KHDRBS3: variants seen among roughly 807,000 people sequenced by gnomAD.
KHDRBS3 encodes the protein KH domain-containing, RNA-binding, signal transduction-associated protein 3.
KHDRBS3 carries 23 observed loss-of-function variants against 45.6 expected under a neutral mutation model. The ratio of observed to expected loss-of-function variants is 0.50; its 90% confidence interval spans 0.36 to 0.72. The LOEUF (loss-of-function observed/expected upper bound fraction) is 0.72. KHDRBS3 is among the 30% of genes least tolerant of loss of function. The pLI, the probability that KHDRBS3 is intolerant of heterozygous loss-of-function variation, is 0.00. For missense variants in KHDRBS3, 352 were observed against 424.8 expected (o/e 0.83, Z 1.51); for synonymous variants, 162 against 156.5 (o/e 1.04, Z -0.26).
rs796852999 is a variant in KHDRBS3, at chr8:135,469,537, T to G, written c.88+11583T>G. 4.1e-4 allele frequency among the ~76,000 whole-genome samples: 54 copies of G among 130,788 alleles called. 2 individuals carry two copies. The highest frequency in any genetic ancestry group is 1.5e-3 in the African/African-American group (52 of 33,846). 85.8% of individuals were successfully genotyped at this position (130,788 alleles called of 152,430 possible). On this transcript the variant is annotated intron_variant, in intron 1 of 8. Coordinates refer to ENST00000355849, the MANE Select transcript of KHDRBS3 (RefSeq NM_006558.3). ...TTTTTGTTTTGGTTTTTTTTTTTTT[T>G]TTTTTTTTTTGAGACGAGTCTCGCT...
At chr8:135,461,368 G>T (rs1369163132) in intron 1 of KHDRBS3, among the ~76,000 whole-genome samples, 2 of 152,184 alleles carry the variant, frequency 1.3e-5, no homozygotes, top group Non-Finnish European at 2.9e-5. Context: ...CTCCCAAAGT[G>T]CTGGGATTAC....
At chr8:135,540,549 C>A (rs2130764666) in intron 2 of KHDRBS3, 1 of 152,322 alleles carries the variant, frequency 6.6e-6, no homozygotes, top group South Asian at 2.1e-4. Flanking sequence ...CTCCAAGATA[C>A]AGACAGATAC....
chr8:135,633,210 A>G (rs148655151), intron 7 of KHDRBS3, among the ~76,000 whole-genome samples: 126 of 152,342 alleles, frequency 8.3e-4, no homozygotes, highest in African/African-American at 2.8e-3. Flanking sequence ...GAATGAATGC[A>G]TGCATGATAT....
chr8:135,532,205 A>T (rs1320261456), intron 2 of KHDRBS3, among the ~76,000 whole-genome samples: 1 of 152,186 alleles, frequency 6.6e-6, no homozygotes, highest in Non-Finnish European at 1.5e-5. Flanking sequence ...ATGAGATCAG[A>T]ATCCTGAATA....
At chr8:135,633,845 T>C (rs1830704638) in intron 7 of KHDRBS3, among the ~76,000 whole-genome samples, 1 of 152,220 alleles carries the variant, frequency 6.6e-6, no homozygotes, top group African/African-American at 2.4e-5. Context: ...AGTGGTGTGT[T>C]TGTTACAATC....
intron 7 of KHDRBS3, among the ~76,000 whole-genome samples, chr8:135,609,966 G>T (rs1443565706): frequency 6.6e-6 from 1 of 151,800 alleles, no homozygotes; most frequent in Admixed American, 6.6e-5. Flanking sequence ...ATCTTCACAG[G>T]CATCAACCCC....
chr8:135,636,631 C>T (rs1830825520), intron 7 of KHDRBS3, among the ~76,000 whole-genome samples: 1 of 152,178 alleles, frequency 6.6e-6, no homozygotes, highest in Non-Finnish European at 1.5e-5. Flanking sequence ...GATCCAGCAG[C>T]AAGAGAAGAA....
chr8:135,495,066 A>C (rs1447700954), intron 1 of KHDRBS3, among the ~76,000 whole-genome samples: 1 of 152,218 alleles, frequency 6.6e-6, no homozygotes, highest in African/African-American at 2.4e-5. Context: ...TCTAAGTGGA[A>C]TTCTGTGGAA....
chr8:135,601,194 A>G (rs1162865339), intron 6 of KHDRBS3, among the ~76,000 whole-genome samples: 1 of 152,208 alleles, frequency 6.6e-6, no homozygotes, highest in African/African-American at 2.4e-5. Context: ...CAGCAATGTA[A>G]TGAACATCTT....
rs1171323847 is a variant in KHDRBS3 at position 135,606,957 on chromosome 8, C to G, written c.810C>G (p.Asp270Glu). 1 of 1,611,040 alleles carries G rather than the reference C, an allele frequency of 6.2e-7. No homozygotes were observed. Among genetic ancestry groups the G allele is most frequent in the Non-Finnish European group, 8.5e-7 (1 of 1,177,674 alleles). Residue 270 changes from aspartate (D) to glutamate (E), a missense_variant and splice_region_variant, in exon 7 of 9, where the codon GAC becomes GAG. By Grantham distance (45) the Asp-to-Glu change is conservative. This residue lies in a region of KHDRBS3 where 212 missense variants were observed against 209.6 expected (regional missense o/e 1.01). Coordinates refer to ENST00000355849, the MANE Select transcript of KHDRBS3 (RefSeq NM_006558.3). ...GTACTTCTCCTGTTATGTTTTAGGA[C>G]TATGATGATGGATATGGCACTGCTT... is the stretch of plus-strand genomic sequence containing the variant. ...PPTQETYGEY[D>E]YDDGYGTAYD...
intron 2 of KHDRBS3, among the ~76,000 whole-genome samples, chr8:135,524,568 T>A (rs1825083201): frequency 6.6e-6 from 1 of 152,188 alleles, no homozygotes; most frequent in African/African-American, 2.4e-5. Context: ...AAAGGATTTG[T>A]ACATTTTATC....
At chr8:135,567,413 G>A (rs1277493173) in intron 5 of KHDRBS3, among the ~76,000 whole-genome samples, 4 of 152,124 alleles carry the variant, frequency 2.6e-5, no homozygotes, top group Admixed American at 2.6e-4. Context: ...TTATTGAAAT[G>A]TACTATTTCC....
chr8:135,651,577 A>G (rs1190515975), downstream of KHDRBS3, among the ~76,000 whole-genome samples: 2 of 152,104 alleles, frequency 1.3e-5, no homozygotes, highest in African/African-American at 4.8e-5. Context: ...AACCATTTTC[A>G]AGTGTAGTAT....
chr8:135,652,448 T>C (rs1393997658), downstream of KHDRBS3, among the ~76,000 whole-genome samples: 1 of 152,256 alleles, frequency 6.6e-6, no homozygotes, highest in East Asian at 1.9e-4. Flanking sequence ...TGTGTGATTC[T>C]GCTGCTGGCC....
chr8:135,461,343 T>C (rs1456431016), intron 1 of KHDRBS3, among the ~76,000 whole-genome samples: 1 of 152,224 alleles, frequency 6.6e-6, no homozygotes, highest in Non-Finnish European at 1.5e-5. Context: ...GACCTCGTGA[T>C]CTGCCTGCCT....
chr8:135,643,062 A>C (rs958209475), intron 7 of KHDRBS3, among the ~76,000 whole-genome samples: 2 of 151,992 alleles, frequency 1.3e-5, no homozygotes, highest in African/African-American at 4.8e-5. Flanking sequence ...CAAAGTGCTG[A>C]GATTACAGGC....
At chr8:135,490,312 A>G (rs1353077006) in intron 1 of KHDRBS3, among the ~76,000 whole-genome samples, 2 of 152,120 alleles carry the variant, frequency 1.3e-5, no homozygotes, top group South Asian at 4.1e-4. Context: ...GCTTTTCACA[A>G]TACTCTAGTG....
chr8:135,517,238 C>T (rs1026644043), intron 1 of KHDRBS3, among the ~76,000 whole-genome samples: 1 of 152,142 alleles, frequency 6.6e-6, no homozygotes, highest in Non-Finnish European at 1.5e-5. Flanking sequence ...GGTATTGGTA[C>T]CTTAAGCTGT....
intron 1 of KHDRBS3, among the ~76,000 whole-genome samples, chr8:135,490,184 C>T (rs749232106): frequency 2.0e-5 from 3 of 152,150 alleles, no homozygotes; most frequent in Non-Finnish European, 2.9e-5. Flanking sequence ...AACAAAATTG[C>T]CTAATGATGC....
Sources: gnomAD v4.1 joint callset for allele counts (sites outside exome capture counted in the v4.1 genomes callset) on GRCh38, gnomAD v4.1.1 for gene constraint, gnomAD v4.1.1 regional missense constraint, MANE v1.5 for transcripts, NCBI Gene and HGNC (gene_info 2026-07-23, HGNC 2026-07-21) for gene names.